The following SNX14 variants were observed in gnomAD, a reference collection of about 807,000 sequenced individuals.
SNX14 encodes the protein sorting nexin 14.
In SNX14, 93 loss-of-function variants were observed where a neutral mutation model predicts 133.8. The ratio of observed to expected loss-of-function variants is 0.70; its 90% CI spans 0.59 to 0.83. The LOEUF (loss-of-function observed/expected upper bound fraction) is 0.83. Ranked by LOEUF, SNX14 falls within the 40% of genes least tolerant of loss-of-function variation. The pLI is 0.00. For synonymous variants in SNX14, 368 were observed against 365.6 expected, an observed-to-expected ratio of 1.01 and a Z score of -0.07; for missense variants, 945 against 1,094.9, an observed-to-expected ratio of 0.86 and a Z score of 1.93.
chr6:85,529,475 G>A (rs1779572592), intron 19 of SNX14, among the ~76,000 whole-genome samples: 1 of 152,150 alleles, frequency 6.6e-6, no homozygotes. Flanking sequence ...CATCAAAAAA[G>A]AAAAGTATGG....
At chr6:85,554,763 C>T (rs1274097559) in intron 7 of SNX14, among the ~76,000 whole-genome samples, 1 of 152,116 alleles carries the variant, frequency 6.6e-6, no homozygotes, top group African/African-American at 2.4e-5. Context: ...ACCCCTCTCA[C>T]AAAAATTCAA....
intron 26 of SNX14, among the ~76,000 whole-genome samples, chr6:85,509,788 G>T (rs1034585095): frequency 1.1e-4 from 17 of 152,092 alleles, no homozygotes; most frequent in Admixed American, 8.5e-4. Flanking sequence ...TAGTTTCACT[G>T]CCCCAAAAAA....
intron 9 of SNX14, 109 bp downstream of exon 9, chr6:85,548,192 A>C (rs1786391241): frequency 1.3e-6 from 1 of 759,898 alleles, no homozygotes. Context: ...GTTGCACAAC[A>C]ATATGAATGT....
At chr6:85,539,419 G>A (rs1294543325) in intron 15 of SNX14, among the ~76,000 whole-genome samples, 1 of 152,058 alleles carries the variant, frequency 6.6e-6, no homozygotes, top group African/African-American at 2.4e-5. Context: ...AAGCTAAGAA[G>A]CACAGTTAAC....
chr6:85,511,095 TA>T (rs2127773725), intron 26 of SNX14, among the ~76,000 whole-genome samples: 1 of 152,358 alleles, frequency 6.6e-6, no homozygotes, highest in African/African-American at 2.4e-5. Context: ...TTTCTTTAAT[TA>T]AAGTTTTACA....
At chr6:85,586,873 G>A (rs1175596494) in intron 1 of SNX14, among the ~76,000 whole-genome samples, 1 of 151,960 alleles carries the variant, frequency 6.6e-6, no homozygotes, top group Non-Finnish European at 1.5e-5. Flanking sequence ...CCCATGTTGG[G>A]AGTCTCCACT....
At chr6:85,548,405 A>C in intron 8 of SNX14, 29 bp from the exon 9 acceptor site, 1 of 1,477,962 alleles carries the variant, frequency 6.8e-7, no homozygotes, top group South Asian at 1.2e-5. Context: ...ATAATTGTTT[A>C]TATTTAGTGA....
chr6:85,514,663 T>C (rs746265712), intron 23 of SNX14, 34 bp from the exon 24 acceptor site: 2 of 1,578,880 alleles, frequency 1.3e-6, no homozygotes, highest in South Asian at 1.1e-5. Context: ...AAGAGATATA[T>C]AGTTTATTAC....
intron 2 of SNX14, 73 bp from the exon 3 acceptor site, chr6:85,572,447 T>C: frequency 8.4e-7 from 1 of 1,189,212 alleles, no homozygotes; most frequent in Non-Finnish European, 1.2e-6. Context: ...GAATCAACTT[T>C]TCAGAAGTTT....
At chr6:85,540,996 CTT>C (rs748469763) in intron 15 of SNX14, among the ~76,000 whole-genome samples, 21 of 138,026 alleles carry the variant, frequency 1.5e-4, no homozygotes, top group East Asian at 2.1e-4. Context: ...AGTTTCTTAA[CTT>C]TTTTTTTTTT....
At chr6:85,535,067 T>G (rs1346942899) in intron 17 of SNX14, among the ~76,000 whole-genome samples, 1 of 150,470 alleles carries the variant, frequency 6.6e-6, no homozygotes, top group African/African-American at 2.4e-5. Context: ...TTTATTCTGT[T>G]ACCCAGGCTG....
chr6:85,584,445 A>G (rs1176355305), intron 1 of SNX14, among the ~76,000 whole-genome samples: 1 of 152,222 alleles, frequency 6.6e-6, no homozygotes, highest in East Asian at 1.9e-4. Flanking sequence ...AGAAACTATC[A>G]TCAGAGTGAA....
At chr6:85,509,714 C>CTGTGGTGTTGTACACAACA (rs1310658177) in intron 26 of SNX14, among the ~76,000 whole-genome samples, 1 of 152,092 alleles carries the variant, frequency 6.6e-6, no homozygotes, top group East Asian at 1.9e-4. Context: ...GGAGTTCGTT[C>CTGTGGTGTTGTACACAACA]TTGGTGTTGT....
At chr6:85,572,073 T>A in intron 4 of SNX14, 64 bp downstream of exon 4, 1 of 1,404,670 alleles carries the variant, frequency 7.1e-7, no homozygotes, top group South Asian at 1.3e-5. Context: ...TGATTAAAAA[T>A]TCTGGAAAAT....
At chr6:85,580,815 T>C (rs1798824469) in intron 1 of SNX14, among the ~76,000 whole-genome samples, 1 of 152,098 alleles carries the variant, frequency 6.6e-6, no homozygotes, top group South Asian at 2.1e-4. Flanking sequence ...GTGGTATAGG[T>C]GCCAGCTCAG....
At chr6:85,568,670 T>C (rs1309550263) in intron 4 of SNX14, among the ~76,000 whole-genome samples, 2 of 152,234 alleles carry the variant, frequency 1.3e-5, no homozygotes, top group Admixed American at 1.3e-4. Flanking sequence ...ACGACATATC[T>C]AATCTAATGC....
chr6:85,593,526 C>A lies in SNX14; in HGVS notation c.140+53G>T, dbSNP rs1477427959. On this transcript the variant is annotated intron_variant, in intron 1 of 28. Coordinates refer to ENST00000314673, the MANE Select transcript of SNX14 (RefSeq NM_153816.6). ...GCACGGTTAAGCAGCACGGGCCGGG[C>A]GTCTGCACCTTCGGAGAAAAGCCGC... The A allele has an allele frequency of 6.4e-6, 10 of 1,563,756 alleles. No homozygotes were observed. The East Asian group carries it at 7.0e-5, about 11-fold the overall frequency.
chr6:85,519,421 G>A (rs1222796070), intron 21 of SNX14, among the ~76,000 whole-genome samples: 1 of 152,190 alleles, frequency 6.6e-6, no homozygotes, highest in Non-Finnish European at 1.5e-5. Context: ...ATCAATTGAG[G>A]AGTTCAAGAC....
chr6:85,515,609 T>C (rs1774693776), intron 23 of SNX14, among the ~76,000 whole-genome samples: 1 of 152,148 alleles, frequency 6.6e-6, no homozygotes, highest in African/African-American at 2.4e-5. Context: ...CCTAGAAAAG[T>C]ATCCTGAGAA....
Sources: allele counts gnomAD v4.1 joint callset (sites outside exome capture counted in the v4.1 genomes callset), GRCh38; gene constraint gnomAD v4.1.1; transcripts MANE v1.5; gene names NCBI Gene and HGNC (gene_info 2026-07-23, HGNC 2026-07-21).